IL1RAPL2: variants seen among roughly 807,000 people sequenced by gnomAD.
The protein encoded by IL1RAPL2 is X-linked interleukin-1 receptor accessory protein-like 2.
IL1RAPL2 carries 3 observed loss-of-function variants against 44.1 expected under a neutral mutation model. That is an observed-to-expected ratio of 0.07 (90% CI 0.03 to 0.18). The LOEUF (loss-of-function observed/expected upper bound fraction) is 0.18, where lower values mean the gene tolerates loss of function less well. Among genes scored for constraint, IL1RAPL2 ranks in the 10% least tolerant of loss-of-function variants. IL1RAPL2 has a pLI of 1.00. For missense variants in IL1RAPL2, 391 were observed against 496.4 expected (o/e 0.79, Z 2.02); for synonymous variants, 181 against 178.8 (o/e 1.01, Z -0.10).
intron 2 of IL1RAPL2, among the ~76,000 whole-genome samples, chrX:104,954,354 A>G (rs751759026): frequency 8.9e-6 from 1 of 112,000 alleles, no homozygotes; most frequent in South Asian, 3.7e-4. Context: ...TATATGATCA[A>G]TTCAATTCAT....
intron 4 of IL1RAPL2, among the ~76,000 whole-genome samples, chrX:105,247,643 G>C (rs192110707): frequency 3.0e-5 from 3 of 100,985 alleles, no homozygotes; most frequent in Non-Finnish European, 6.0e-5. Flanking sequence ...GTGTGTGTGT[G>C]TCTGTATTTA....
At chrX:105,556,493 A>C (rs1047834166) in intron 6 of IL1RAPL2, among the ~76,000 whole-genome samples, 3 of 111,203 alleles carry the variant, frequency 2.7e-5, no homozygotes, top group African/African-American at 9.8e-5. Flanking sequence ...AACACAGCCT[A>C]TACTCAACAC....
At chrX:105,014,308 CTCTT>C (rs913295984) in intron 2 of IL1RAPL2, among the ~76,000 whole-genome samples, 4 of 107,836 alleles carry the variant, frequency 3.7e-5, no homozygotes, top group African/African-American at 1.4e-4. Flanking sequence ...AGCTAAGGTT[CTCTT>C]TCTTTCTTTT....
intron 1 of IL1RAPL2, among the ~76,000 whole-genome samples, chrX:104,569,312 G>A (rs2036954789): frequency 8.9e-6 from 1 of 112,279 alleles, no homozygotes; most frequent in African/African-American, 3.2e-5. Flanking sequence ...GAGGCTAAAG[G>A]TACTGGTCAG....
intron 1 of IL1RAPL2, among the ~76,000 whole-genome samples, chrX:104,573,304 ATAAG>A (rs957779346): frequency 1.8e-5 from 2 of 112,393 alleles, no homozygotes; most frequent in Admixed American, 1.9e-4. Flanking sequence ...TTACAATTAA[ATAAG>A]ACTAAAAATT....
chrX:104,907,045 T>G (rs1022909938), intron 2 of IL1RAPL2, among the ~76,000 whole-genome samples: 2 of 110,845 alleles, frequency 1.8e-5, no homozygotes, highest in African/African-American at 6.6e-5. Flanking sequence ...GTGTATGTGT[T>G]GAGGAATTTA....
Position 104,888,039 on chromosome X carries a change from A to AC in IL1RAPL2, c.82+229046dup, listed in dbSNP as rs779844220. Among the ~76,000 whole-genome samples the AC allele has an allele frequency of 2.7e-5, 3 of 111,353 alleles. No individual in the cohort carries two copies. In the South Asian group the frequency reaches 1.1e-3, roughly 42 times the overall value. Reference sequence around the variant, plus strand: ...AATATGGAAATAAAGGGAGTTCCTAACCTCTAGGAGAAAGCCCATTAAATA... The same window carrying AC: ...AATATGGAAATAAAGGGAGTTCCTAACCCTCTAGGAGAAAGCCCATTAAATA... On this transcript the variant is annotated intron_variant, in intron 2 of 10. Transcript: ENST00000372582.
chrX:105,280,032 T>TACA (rs2034518449), intron 5 of IL1RAPL2, among the ~76,000 whole-genome samples: 3 of 111,941 alleles, frequency 2.7e-5, no homozygotes, highest in African/African-American at 9.7e-5. Flanking sequence ...CAAACTCTAC[T>TACA]ACAAGGCTAC....
chrX:104,919,616 C>T (rs1330857498), intron 2 of IL1RAPL2, among the ~76,000 whole-genome samples: 2 of 106,368 alleles, frequency 1.9e-5, no homozygotes, highest in Non-Finnish European at 3.9e-5. Flanking sequence ...CTGCAACCTC[C>T]CCCTCCTGGG....
chrX:105,316,720 G>C (rs2034844524), intron 5 of IL1RAPL2, among the ~76,000 whole-genome samples: 1 of 112,066 alleles, frequency 8.9e-6, no homozygotes, highest in African/African-American at 3.2e-5. Context: ...ATTAATAGGA[G>C]TGACAATGGG....
At position 105,291,697 on chromosome X, in the gene IL1RAPL2, G is replaced by T. The variant is rs1367071309; in HGVS notation, c.697+24156G>T. Among the ~76,000 whole-genome samples the T allele has an allele frequency of 1.4e-4, 15 of 110,908 alleles. No homozygotes were observed. The East Asian group carries it at 4.3e-3, about 32-fold the overall frequency. The stretch of plus-strand genomic sequence containing the variant: ...TATAATCATTTTTTTCAGTTTCATG[G>T]ATATCCTTCCATAAATATTCTGTTG... On this transcript the variant is annotated intron_variant, in intron 5 of 10. Coordinates refer to ENST00000372582, the MANE Select transcript of IL1RAPL2 (RefSeq NM_017416.2).
At chrX:105,348,549 C>A (rs988607070) in intron 5 of IL1RAPL2, among the ~76,000 whole-genome samples, 21 of 111,596 alleles carry the variant, frequency 1.9e-4, no homozygotes, top group Non-Finnish European at 2.8e-4. Context: ...TGTGTCTTTA[C>A]TAGCATAACA....
chrX:104,721,786 T>C (rs917169110), intron 2 of IL1RAPL2, among the ~76,000 whole-genome samples: 5 of 111,670 alleles, frequency 4.5e-5, no homozygotes, highest in African/African-American at 1.6e-4. Context: ...TCTTTAAGAC[T>C]CAAAAACTCA....
At position 105,602,784 on chromosome X, in the gene IL1RAPL2, T is replaced by TTAAAG. The variant is rs200980499; in HGVS notation, c.773-114580_773-114576dup. The stretch of plus-strand genomic sequence containing the variant: ...GCCAGAAGAGAAAGGGGTGATATAT[T>TTAAAG]TAAAGTACCAAAAGAAAAAAAAAAA... On this transcript the variant is annotated intron_variant, in intron 6 of 10. Transcript: ENST00000372582. Among the ~76,000 whole-genome samples, 51 of 105,542 alleles carry TTAAAG rather than the reference T, an allele frequency of 4.8e-4. 1 individual carries two copies. The East Asian group carries it at 0.013, about 27-fold the overall frequency. 91.7% of individuals were successfully genotyped at this position (105,542 alleles called of 115,157 possible). A position where few individuals can be genotyped will look rare whatever the true frequency, so the allele number is the denominator to read the frequency against.
At chrX:104,808,832 T>C (rs1028983589) in intron 2 of IL1RAPL2, among the ~76,000 whole-genome samples, 5 of 111,693 alleles carry the variant, frequency 4.5e-5, no homozygotes, top group African/African-American at 1.6e-4. Flanking sequence ...TAAGTAGAAA[T>C]GCGAAGCAAT....
chrX:105,304,149 G>A (rs776486992), intron 5 of IL1RAPL2, among the ~76,000 whole-genome samples: 1 of 112,692 alleles, frequency 8.9e-6, no homozygotes, highest in East Asian at 2.8e-4. Flanking sequence ...CCACTAAATA[G>A]CAGCCAGAAT....
chrX:104,947,302 G>A (rs1326950580), intron 2 of IL1RAPL2, among the ~76,000 whole-genome samples: 4 of 102,419 alleles, frequency 3.9e-5, no homozygotes, highest in Non-Finnish European at 7.9e-5. Flanking sequence ...GTTCATTGTA[G>A]ATTCTGGATA....
chrX:105,668,092 A>G (rs1376964156), intron 6 of IL1RAPL2, among the ~76,000 whole-genome samples: 1 of 105,431 alleles, frequency 9.5e-6, no homozygotes, highest in Non-Finnish European at 1.9e-5. Flanking sequence ...GTGGGGGGAC[A>G]TTAGAACGAG....
chrX:105,248,421 G>A (rs6418239), intron 4 of IL1RAPL2, among the ~76,000 whole-genome samples: 18,811 of 111,142 alleles, frequency 0.17, 3,159 homozygotes, highest in African/African-American at 0.52. Context: ...TCCTAAAAAT[G>A]TACAAAAATT....
Sources: gnomAD v4.1 joint callset for allele counts (sites outside exome capture counted in the v4.1 genomes callset) on GRCh38, gnomAD v4.1.1 for gene constraint, MANE v1.5 for transcripts, NCBI Gene and HGNC (gene_info 2026-07-23, HGNC 2026-07-21) for gene names.